CDC27: variants seen among roughly 807,000 people sequenced by gnomAD.
CDC27 encodes cell division cycle protein 27 homolog.
CDC27 carries 27 observed loss-of-function variants against 109.7 expected under a neutral mutation model. The observed-to-expected ratio is 0.25, with a 90% confidence interval of 0.18 to 0.34. The LOEUF is 0.34. Among genes scored for constraint, CDC27 ranks in the 10% least tolerant of loss-of-function variants. The probability of loss-of-function intolerance (pLI) is 1.00; values close to 1 mark genes in which losing one functional copy is unlikely to be tolerated. For synonymous variants in CDC27, 266 were observed against 333.9 expected, an observed-to-expected ratio of 0.80 and a Z score of 2.22; for missense variants, 579 against 960.2, an observed-to-expected ratio of 0.60 and a Z score of 5.25.
chr17:47,182,262 C>A (rs920743211), intron 1 of CDC27, among the ~76,000 whole-genome samples: 5 of 152,120 alleles, frequency 3.3e-5, no homozygotes, highest in Admixed American at 6.5e-5. Flanking sequence ...ATAGGAATAA[C>A]TTTTAATTTT....
chr17:47,124,569 C>A (rs1214323029), intron 16 of CDC27, among the ~76,000 whole-genome samples: 1 of 152,136 alleles, frequency 6.6e-6, no homozygotes, highest in Non-Finnish European at 1.5e-5. Context: ...CAGGCGTGAG[C>A]CACCATGCCC....
At chr17:47,150,744 G>A (rs1208338691) in intron 9 of CDC27, among the ~76,000 whole-genome samples, 6 of 152,166 alleles carry the variant, frequency 3.9e-5, no homozygotes, top group Non-Finnish European at 7.3e-5. Flanking sequence ...TATTAAGAGT[G>A]AATGTTGGCC....
intron 16 of CDC27, among the ~76,000 whole-genome samples, chr17:47,127,372 T>C (rs1238370770): frequency 1.2e-4 from 19 of 152,180 alleles, no homozygotes; most frequent in Non-Finnish European, 1.5e-4. Flanking sequence ...AAATTATATA[T>C]TTAATCCCTT....
intron 9 of CDC27, among the ~76,000 whole-genome samples, chr17:47,147,555 T>C (rs117778193): frequency 0.044 from 6,649 of 150,866 alleles, 223 homozygotes; most frequent in Non-Finnish European, 0.063. Context: ...ATTAAAAAAA[T>C]ACAAATACAT....
chr17:47,159,464 G>A (rs2063423305), intron 4 of CDC27: 2 of 623,984 alleles, frequency 3.2e-6, no homozygotes, highest in Non-Finnish European at 2.7e-6. Flanking sequence ...CCAAGACGAT[G>A]CCCGTGCTCC....
chr17:47,149,460 G>A (rs1257148460), intron 9 of CDC27, among the ~76,000 whole-genome samples: 2 of 147,584 alleles, frequency 1.4e-5, no homozygotes, highest in African/African-American at 2.5e-5. Context: ...GCAGTGAGCC[G>A]AGATCGTGCC....
chr17:47,188,220 C>G (rs1409684996), intron 1 of CDC27, among the ~76,000 whole-genome samples: 1 of 152,090 alleles, frequency 6.6e-6, no homozygotes, highest in East Asian at 1.9e-4. Context: ...CAATTCTGAT[C>G]AAGTTAAAGA....
At chr17:47,169,573 A>C (rs1023483611) in intron 4 of CDC27, among the ~76,000 whole-genome samples, 8 of 148,006 alleles carry the variant, frequency 5.4e-5, no homozygotes, top group Non-Finnish European at 1.0e-4. Context: ...TGAACCCTGG[A>C]GGTGGAGGTT....
At chr17:47,164,557 CTG>C (rs1280756118) in intron 4 of CDC27, among the ~76,000 whole-genome samples, 1 of 152,208 alleles carries the variant, frequency 6.6e-6, no homozygotes, top group African/African-American at 2.4e-5. Context: ...TGGCTCATGA[CTG>C]TAATCCCAGC....
intron 4 of CDC27, chr17:47,159,713 C>T (rs975238953): frequency 2.4e-6 from 1 of 415,544 alleles, no homozygotes; most frequent in Admixed American, 3.4e-5. Flanking sequence ...GAACCTGGTG[C>T]CCTGGCTGGC....
intron 14 of CDC27, 100 bp from the exon 15 acceptor site, chr17:47,132,474 T>C: frequency 2.0e-6 from 1 of 505,430 alleles, no homozygotes; most frequent in Non-Finnish European, 3.4e-6. Flanking sequence ...GGCATTTTAA[T>C]AATCCAGTGG....
At chr17:47,173,403 G>A (rs767809570) in intron 2 of CDC27, among the ~76,000 whole-genome samples, 2 of 151,022 alleles carry the variant, frequency 1.3e-5, no homozygotes, top group Non-Finnish European at 2.9e-5. Context: ...GGCGCTCACT[G>A]CAGTAGGAAT....
At chr17:47,185,496 A>C (rs1312858466) in intron 1 of CDC27, among the ~76,000 whole-genome samples, 1 of 151,968 alleles carries the variant, frequency 6.6e-6, no homozygotes, top group African/African-American at 2.4e-5. Context: ...AATCATTATA[A>C]ATTTTTTGTT....
intron 13 of CDC27, among the ~76,000 whole-genome samples, chr17:47,138,343 T>C (rs2062686360): frequency 6.6e-6 from 1 of 152,214 alleles, no homozygotes; most frequent in Non-Finnish European, 1.5e-5. Flanking sequence ...TGAGATGCAA[T>C]GAAATACAAT....
intron 4 of CDC27, among the ~76,000 whole-genome samples, chr17:47,164,332 C>A (rs945124034): frequency 6.6e-6 from 1 of 152,176 alleles, no homozygotes; most frequent in African/African-American, 2.4e-5. Context: ...CATAAAGTGA[C>A]ACATGACTGT....
At chr17:47,155,367 C>T (rs2063272118) in intron 7 of CDC27, among the ~76,000 whole-genome samples, 1 of 152,070 alleles carries the variant, frequency 6.6e-6, no homozygotes, top group Non-Finnish European at 1.5e-5. Context: ...TGCCTCAACC[C>T]CCAAAGTACC....
intron 5 of CDC27, among the ~76,000 whole-genome samples, chr17:47,157,913 A>G (rs1365135822): frequency 1.3e-5 from 2 of 152,176 alleles, no homozygotes; most frequent in Non-Finnish European, 2.9e-5. Context: ...CTTATTCAGA[A>G]AGCAATTTTG....
intron 14 of CDC27, among the ~76,000 whole-genome samples, chr17:47,135,159 C>T (rs1256708227): frequency 2.0e-5 from 3 of 152,076 alleles, no homozygotes; most frequent in African/African-American, 7.2e-5. Flanking sequence ...CCTAACAATG[C>T]TATTCCCACA....
chr17:47,129,168 A>G (rs963733427), intron 16 of CDC27, among the ~76,000 whole-genome samples: 2 of 152,340 alleles, frequency 1.3e-5, no homozygotes, highest in East Asian at 3.9e-4. Flanking sequence ...GCCTTTCTAT[A>G]TAAGACATCT....
Sources: gnomAD v4.1 joint callset for allele counts (sites outside exome capture counted in the v4.1 genomes callset) on GRCh38, gnomAD v4.1.1 for gene constraint, MANE v1.5 for transcripts, NCBI Gene and HGNC (gene_info 2026-07-23, HGNC 2026-07-21) for gene names.